ETNK1: variants seen among roughly 807,000 people sequenced by gnomAD.
ETNK1 encodes ethanolamine kinase 1.
A neutral mutation model predicts 45.1 loss-of-function variants in ETNK1; 8 were observed. That is an observed-to-expected ratio of 0.18 (90% CI 0.10 to 0.32). ETNK1 has a LOEUF of 0.32. Among genes scored for constraint, ETNK1 ranks in the 10% least tolerant of loss-of-function variants. The probability of loss-of-function intolerance (pLI) is 1.00; values close to 1 mark genes in which losing one functional copy is unlikely to be tolerated. For missense variants in ETNK1, 302 were observed against 430.6 expected (o/e 0.70, Z 2.64); for synonymous variants, 152 against 151.9 (o/e 1.00, Z -0.01).
At chr12:22,637,857 CAG>C (rs1233132170) in intron 1 of ETNK1, among the ~76,000 whole-genome samples, 2 of 142,048 alleles carry the variant, frequency 1.4e-5, no homozygotes, top group African/African-American at 4.9e-5. Context: ...GGAGAAGTGA[CAG>C]AGCGAGAGAG....
At chr12:22,678,321 C>T (rs1954180286) in intron 6 of ETNK1, among the ~76,000 whole-genome samples, 1 of 152,202 alleles carries the variant, frequency 6.6e-6, no homozygotes, top group African/African-American at 2.4e-5. Context: ...TCAGGTAAGG[C>T]TTACCAATCA....
At chr12:22,676,536 C>G (rs918550213) in intron 6 of ETNK1, among the ~76,000 whole-genome samples, 2 of 151,788 alleles carry the variant, frequency 1.3e-5, no homozygotes, top group Non-Finnish European at 2.9e-5. Flanking sequence ...TAATGGGATT[C>G]CTGGGTCAAA....
Position 22,685,001 on chromosome 12 carries a change from C to A in ETNK1, c.*47C>A. 2.9e-6 allele frequency: 4 copies of A among 1,376,882 alleles called. No homozygotes were observed. The highest frequency in any genetic ancestry group is 1.3e-5 in the South Asian group (1 of 77,158). The allele number at this position is 1,376,882 out of a possible 1,614,324, so 85.3% of individuals were successfully genotyped here. On this transcript the variant is annotated 3_prime_UTR_variant, in exon 8 of 8. Coordinates refer to ENST00000266517, the MANE Select transcript of ETNK1 (RefSeq NM_018638.5). ...CAGTAGCTGAGCAATGCTTGTGAAT[C>A]TTTTCTTAAGAAATCCCAAAAAGCC...
intron 6 of ETNK1, among the ~76,000 whole-genome samples, chr12:22,675,499 G>A (rs550631940): frequency 1.3e-5 from 2 of 152,004 alleles, no homozygotes; most frequent in Admixed American, 6.5e-5. Flanking sequence ...AGGACTACAG[G>A]CGCATGCCAC....
intron 1 of ETNK1, among the ~76,000 whole-genome samples, chr12:22,628,147 A>T (rs1953530124): frequency 6.6e-6 from 1 of 152,088 alleles, no homozygotes; most frequent in Non-Finnish European, 1.5e-5. Context: ...TTTATAAAGC[A>T]CTTTCACATG....
At chr12:22,638,439 A>T (rs1046613809) in intron 1 of ETNK1, 1 of 152,148 alleles carries the variant, frequency 6.6e-6, no homozygotes, top group African/African-American at 2.4e-5. Flanking sequence ...TTTAGTAGAG[A>T]CAGTGTTTCA....
At chr12:22,662,339 C>T (rs1356503591) in intron 4 of ETNK1, among the ~76,000 whole-genome samples, 10 of 149,074 alleles carry the variant, frequency 6.7e-5, no homozygotes, top group South Asian at 2.1e-4. Flanking sequence ...CCGCCCACCT[C>T]GGCCTCCCAA....
Position 22,638,274 on chromosome 12 carries a change from C to T in ETNK1, c.157-5489C>T, listed in dbSNP as rs112165395. ...GGTGGGGTTTTTTTTTTTTTTGAGACGGAGTCTCACTTTGTCTCCCAGGCT... is the reference window on the plus strand; with the variant it reads ...GGTGGGGTTTTTTTTTTTTTTGAGATGGAGTCTCACTTTGTCTCCCAGGCT... On this transcript the variant is annotated intron_variant, in intron 1 of 7. Coordinates refer to ENST00000266517, the MANE Select transcript of ETNK1 (RefSeq NM_018638.5). Among the ~76,000 whole-genome samples the T allele has an allele frequency of 4.1e-5, 6 of 147,306 alleles. No homozygotes were observed. In the South Asian group the frequency reaches 1.3e-3, roughly 32 times the overall value.
intron 6 of ETNK1, among the ~76,000 whole-genome samples, chr12:22,676,443 A>G (rs932035542): frequency 1.3e-5 from 2 of 152,006 alleles, no homozygotes; most frequent in East Asian, 3.9e-4. Flanking sequence ...GGTCTTTGCT[A>G]TTGTGAATAG....
At chr12:22,627,073 G>A (rs1953511541) in intron 1 of ETNK1, among the ~76,000 whole-genome samples, 1 of 152,102 alleles carries the variant, frequency 6.6e-6, no homozygotes, top group East Asian at 1.9e-4. Flanking sequence ...AAAGTTTAAA[G>A]CTTTGAAGAC....
chr12:22,655,323 TG>T (rs1953925444), intron 2 of ETNK1, among the ~76,000 whole-genome samples: 9 of 68,278 alleles, frequency 1.3e-4, no homozygotes, highest in African/African-American at 4.2e-4. Flanking sequence ...ATTTGGGGTT[TG>T]TTTGTTTTTT....
At chr12:22,644,242 A>G (rs1341602025) in intron 2 of ETNK1, 56 of 1,607,304 alleles carry the variant, frequency 3.5e-5, no homozygotes, top group Middle Eastern at 1.7e-4. Context: ...CAAAGGAAAA[A>G]CTACAAGATG....
chr12:22,675,548 A>G (rs2137572036), intron 6 of ETNK1, among the ~76,000 whole-genome samples: 1 of 152,122 alleles, frequency 6.6e-6, no homozygotes, highest in Non-Finnish European at 1.5e-5. Flanking sequence ...TGGAGAGACA[A>G]GGTCTTGCTA....
intron 6 of ETNK1, among the ~76,000 whole-genome samples, chr12:22,681,028 A>G (rs935650372): frequency 5.3e-5 from 8 of 152,094 alleles, no homozygotes; most frequent in African/African-American, 1.4e-4. Context: ...AGAGACTTAC[A>G]TATCCATAAC....
At position 22,687,297 on chromosome 12, in the gene ETNK1, G is replaced by C. The variant is rs563935688; in HGVS notation, c.*2343G>C. On this transcript the variant is annotated 3_prime_UTR_variant, in exon 8 of 8. Transcript: ENST00000266517. ...CGACCATGTAAGGGATTCTAAAGGA[G>C]GGTAAATCTCAAAGTGCTCTGAAAT... 6.6e-6 allele frequency: 1 copy of C among 152,338 alleles called. No individual in the cohort carries two copies. The highest frequency in any genetic ancestry group is 1.5e-5 in the Non-Finnish European group (1 of 67,768). 9.4% of individuals were successfully genotyped at this position (152,338 alleles called of 1,614,324 possible).
chr12:22,662,052 C>T (rs1954004809), intron 4 of ETNK1, among the ~76,000 whole-genome samples: 1 of 48,840 alleles, frequency 2.0e-5, no homozygotes, highest in African/African-American at 6.4e-5. Flanking sequence ...AACTAGTTCC[C>T]CGCACCCCCC....
At chr12:22,662,180 G>A (rs1439008802) in intron 4 of ETNK1, among the ~76,000 whole-genome samples, 1 of 145,394 alleles carries the variant, frequency 6.9e-6, no homozygotes, top group African/African-American at 2.6e-5. Flanking sequence ...TGATTCTCCT[G>A]CCTCAGCCTC....
chr12:22,678,209 G>A (rs1954179037), intron 6 of ETNK1, among the ~76,000 whole-genome samples: 1 of 152,090 alleles, frequency 6.6e-6, no homozygotes, highest in Admixed American at 6.6e-5. Context: ...AATTGTGATT[G>A]CAATGTGAAA....
rs533693556 is a variant in ETNK1 at position 22,687,254 on chromosome 12, A to G, written c.*2300A>G. ...GTGCAGGCTAGTAATAGGATTCAGA[A>G]TTGCTTCCCTTTTATATCGACCATG... On this transcript the variant is annotated 3_prime_UTR_variant, in exon 8 of 8. Transcript: ENST00000266517. 25 of 152,322 alleles carry G rather than the reference A, an allele frequency of 1.6e-4. No individual in the cohort carries two copies. Among genetic ancestry groups the G allele is most frequent in the African/African-American group, 6.0e-4 (25 of 41,504 alleles). The allele number at this position is 152,322 out of a possible 1,614,324, so 9.4% of individuals were successfully genotyped here. A position where few individuals can be genotyped will look rare whatever the true frequency, so the allele number is the denominator to read the frequency against.
Sources: gnomAD v4.1 joint callset for allele counts (sites outside exome capture counted in the v4.1 genomes callset) on GRCh38, gnomAD v4.1.1 for gene constraint, MANE v1.5 for transcripts, NCBI Gene and HGNC (gene_info 2026-07-23, HGNC 2026-07-21) for gene names.